The following PPP6R3 variants were observed in gnomAD, a reference collection of about 807,000 sequenced individuals.
The protein encoded by PPP6R3 is serine/threonine-protein phosphatase 6 regulatory subunit 3.
PPP6R3 carries 38 observed loss-of-function variants against 110.7 expected under a neutral mutation model. The observed-to-expected ratio is 0.34, with a 90% CI of 0.26 to 0.45. The LOEUF (loss-of-function observed/expected upper bound fraction) is 0.45. Ranked by LOEUF, PPP6R3 falls within the 20% of genes least tolerant of loss-of-function variation. PPP6R3 has a pLI of 1.00. For missense variants in PPP6R3, 870 were observed against 1,062.4 expected, an observed-to-expected ratio of 0.82 and a Z score of 2.52; for synonymous variants, 369 against 373.5, an observed-to-expected ratio of 0.99 and a Z score of 0.14.
At chr11:68,478,583 C>A (rs1451004940) in intron 1 of PPP6R3, among the ~76,000 whole-genome samples, 1 of 147,368 alleles carries the variant, frequency 6.8e-6, no homozygotes, top group Non-Finnish European at 1.5e-5. Context: ...CTTTTGAAAG[C>A]CACACATAGC....
intron 12 of PPP6R3, among the ~76,000 whole-genome samples, chr11:68,573,534 T>C (rs2099518777): frequency 6.6e-6 from 1 of 152,152 alleles, no homozygotes; most frequent in South Asian, 2.1e-4. Context: ...TTTGTTTGCA[T>C]GTGTTCAGAA....
In PPP6R3 at chr11:68,591,586, C is replaced by T; in HGVS notation, c.1796C>T (p.Ala599Val). ...CTCATTTTTATTTAGGGAAATATTGCCTTGTTTGAAGCATGTTGTAAGGAA... is the reference window on the plus strand; with the variant it reads ...CTCATTTTTATTTAGGGAAATATTGTCTTGTTTGAAGCATGTTGTAAGGAA... Reference protein sequence around the residue: ...TLNTNESGNIALFEACCKERI... With the variant: ...TLNTNESGNIVLFEACCKERI... The change falls in exon 18 of 24, where the codon GCC becomes GTC. Residue 599 changes from alanine (A) to valine (V), a missense_variant. By Grantham distance (64) the Ala-to-Val change is moderately conservative (BLOSUM62 0). Coordinates refer to ENST00000393800, the MANE Select transcript of PPP6R3 (RefSeq NM_001164161.2). 2 of 1,593,776 alleles carry T rather than the reference C, an allele frequency of 1.3e-6. No homozygotes were observed. Among genetic ancestry groups the T allele is most frequent in the Non-Finnish European group, 1.7e-6 (2 of 1,171,922 alleles).
At chr11:68,480,049 T>TA (rs531256425) in intron 1 of PPP6R3, among the ~76,000 whole-genome samples, 2,282 of 149,046 alleles carry the variant, frequency 0.015, 29 homozygotes, top group Non-Finnish European at 0.024. Context: ...TTTCTTCAAT[T>TA]AAAAAAAAAA....
intron 1 of PPP6R3, among the ~76,000 whole-genome samples, chr11:68,474,156 C>T (rs117260052): frequency 0.02 from 2,972 of 151,754 alleles, 49 homozygotes; most frequent in Non-Finnish European, 0.023. Context: ...GGAATCCTCT[C>T]GCTTCAGCCT....
At chr11:68,556,698 C>G (rs776645916) in intron 7 of PPP6R3, among the ~76,000 whole-genome samples, 2 of 152,072 alleles carry the variant, frequency 1.3e-5, no homozygotes, top group Admixed American at 6.5e-5. Context: ...TATATTTTCT[C>G]GCATGTAATT....
intron 1 of PPP6R3, among the ~76,000 whole-genome samples, chr11:68,474,571 C>G (rs571741916): frequency 9.2e-5 from 14 of 151,992 alleles, no homozygotes; most frequent in Non-Finnish European, 1.8e-4. Context: ...CAAGATTATT[C>G]TAGTCCAATA....
intron 1 of PPP6R3, among the ~76,000 whole-genome samples, chr11:68,480,249 A>G (rs1180152948): frequency 6.6e-6 from 1 of 152,152 alleles, no homozygotes; most frequent in Non-Finnish European, 1.5e-5. Context: ...TTTCTTTCTG[A>G]AAACTTATTT....
chr11:68,493,018 C>T (rs2098993306), intron 1 of PPP6R3, among the ~76,000 whole-genome samples: 1 of 152,184 alleles, frequency 6.6e-6, no homozygotes, highest in South Asian at 2.1e-4. Flanking sequence ...TCTCCACTTT[C>T]ATGGCTGAAC....
intron 2 of PPP6R3, among the ~76,000 whole-genome samples, chr11:68,529,619 A>G (rs986424873): frequency 1.3e-5 from 2 of 152,192 alleles, no homozygotes; most frequent in Non-Finnish European, 2.9e-5. Flanking sequence ...TTTCAAGATG[A>G]AGGATTTGAA....
chr11:68,573,154 A>ATATATATATATATATATATT (rs35361909), intron 12 of PPP6R3, among the ~76,000 whole-genome samples: 1 of 74,332 alleles, frequency 1.3e-5, no homozygotes, highest in Non-Finnish European at 2.7e-5. Context: ...ATATATATAT[A>ATATATATATATATATATATT]ATTTTTTTTT....
Position 68,614,004 on chromosome 11 carries a change from A to G in PPP6R3, c.*887A>G. ...ACCAAAATTTACCTTGTTAACAAGC[A>G]TCACCAATGAACATTTCAGAGCAAT... On this transcript the variant is annotated 3_prime_UTR_variant, in exon 24 of 24. Coordinates refer to ENST00000393800, the MANE Select transcript of PPP6R3 (RefSeq NM_001164161.2). 1 of 985,188 alleles carries G rather than the reference A, an allele frequency of 1.0e-6. No individual in the cohort carries two copies. Among genetic ancestry groups the G allele is most frequent in the African/African-American group, 1.7e-5 (1 of 57,146 alleles). The allele number at this position is 985,188 out of a possible 1,614,324, so 61.0% of individuals were successfully genotyped here.
chr11:68,505,639 T>C (rs1287395735), intron 1 of PPP6R3, among the ~76,000 whole-genome samples: 1 of 152,106 alleles, frequency 6.6e-6, no homozygotes, highest in African/African-American at 2.4e-5. Context: ...CTGATTACTT[T>C]TCACCAACCT....
intron 18 of PPP6R3, among the ~76,000 whole-genome samples, chr11:68,594,263 G>GA (rs1293096842): frequency 1.9e-5 from 2 of 107,604 alleles, no homozygotes; most frequent in Admixed American, 1.0e-4. Context: ...CTTAAAAAAG[G>GA]GGGAGAGAGA....
At chr11:68,539,013 G>A (rs2099291381) in intron 3 of PPP6R3, among the ~76,000 whole-genome samples, 1 of 152,110 alleles carries the variant, frequency 6.6e-6, no homozygotes, top group Non-Finnish European at 1.5e-5. Context: ...CCAGCTACTC[G>A]GGAGGCTGAG....
intron 7 of PPP6R3, 125 bp downstream of exon 7, chr11:68,554,382 G>T (rs554903077): frequency 3.0e-6 from 2 of 658,602 alleles, no homozygotes; most frequent in Non-Finnish European, 2.4e-6. Flanking sequence ...CCTTGGGTGG[G>T]TGAGAAGGTA....
intron 1 of PPP6R3, among the ~76,000 whole-genome samples, chr11:68,477,267 A>G (rs1225504789): frequency 6.6e-6 from 1 of 151,944 alleles, no homozygotes; most frequent in African/African-American, 2.4e-5. Context: ...GTTAGAATAC[A>G]ACACCGGATG....
chr11:68,480,188 T>G (rs1276938347), intron 1 of PPP6R3, among the ~76,000 whole-genome samples: 5 of 152,236 alleles, frequency 3.3e-5, no homozygotes, highest in Non-Finnish European at 5.9e-5. Context: ...GACCATATAT[T>G]CTGTAGGTAA....
intron 2 of PPP6R3, among the ~76,000 whole-genome samples, chr11:68,530,820 T>C (rs906666189): frequency 3.9e-5 from 6 of 152,232 alleles, no homozygotes; most frequent in African/African-American, 9.6e-5. Flanking sequence ...GTATACAGTT[T>C]ATTGTACTTA....
intron 18 of PPP6R3, among the ~76,000 whole-genome samples, chr11:68,594,424 A>G (rs930720347): frequency 6.6e-6 from 1 of 152,176 alleles, no homozygotes; most frequent in Non-Finnish European, 1.5e-5. Context: ...TGGGAGGCCA[A>G]GGCAGGAGGC....
Sources: gnomAD v4.1 joint callset for allele counts (sites outside exome capture counted in the v4.1 genomes callset) on GRCh38, gnomAD v4.1.1 for gene constraint, MANE v1.5 for transcripts, NCBI Gene and HGNC (gene_info 2026-07-23, HGNC 2026-07-21) for gene names.